Variants in R3HCC1L observed in about 807,000 individuals in gnomAD.
The protein encoded by R3HCC1L is coiled-coil domain-containing protein R3HCC1L.
In R3HCC1L, 51 loss-of-function variants were observed where a neutral mutation model predicts 59.9. That is an observed-to-expected ratio of 0.85 (90% CI 0.68 to 1.07). R3HCC1L has a LOEUF of 1.07. R3HCC1L is among the 50% of genes least tolerant of loss of function. The pLI is 0.00. For missense variants in R3HCC1L, 965 were observed against 933.0 expected, an observed-to-expected ratio of 1.03 and a Z score of -0.45; for synonymous variants, 322 against 315.2, an observed-to-expected ratio of 1.02 and a Z score of -0.23.
In R3HCC1L at chr10:98,209,145, A is replaced by C. The variant is rs1437044524; in HGVS notation, c.1031A>C (p.His344Pro). The change falls in exon 5 of 10, where the codon CAT (histidine) becomes CCT (proline). Residue 344 changes from histidine (H) to proline (P), a missense_variant. Physicochemically the swap from His to Pro is moderately conservative, Grantham distance 77. Coordinates refer to ENST00000298999, the MANE Select transcript of R3HCC1L (RefSeq NM_001351015.2). ...AATGACAGCACTGCTGATGAGTTAC[A>C]TGTAAAGCACGAACCTCCTGATACA... ...EKNDSTADEL[H>P]VKHEPPDTAV... The C allele has an allele frequency of 6.2e-7, 1 of 1,613,962 alleles. No homozygotes were observed. The highest frequency in any genetic ancestry group is 8.5e-7 in the Non-Finnish European group (1 of 1,180,016).
At chr10:98,220,827 C>T (rs1237367028) in intron 5 of R3HCC1L, among the ~76,000 whole-genome samples, 8 of 149,480 alleles carry the variant, frequency 5.4e-5, no homozygotes, top group South Asian at 2.2e-4. Flanking sequence ...TGAATAATGC[C>T]GCAATAAACA....
At chr10:98,199,233 T>G (rs1378668301) in intron 4 of R3HCC1L, among the ~76,000 whole-genome samples, 2 of 152,100 alleles carry the variant, frequency 1.3e-5, no homozygotes, top group Non-Finnish European at 2.9e-5. Flanking sequence ...GAGAGTATCT[T>G]TCCAACATCG....
chr10:98,149,469 T>G (rs1238257609), intron 1 of R3HCC1L, among the ~76,000 whole-genome samples: 3 of 152,192 alleles, frequency 2.0e-5, no homozygotes, highest in Non-Finnish European at 2.9e-5. Context: ...GCTTTTTTGA[T>G]GTAGGCATTT....
chr10:98,139,727 A>G lies in R3HCC1L; in HGVS notation c.-268+5021A>G, dbSNP rs187786405. Among the ~76,000 whole-genome samples the G allele has an allele frequency of 8.5e-5, 13 of 152,274 alleles. No homozygotes were observed. In the East Asian group the frequency reaches 2.1e-3, roughly 25 times the overall value. ...GAATTTTCTTTTCTCTTAATAAAAC[A>G]TGGACCAATTGCTTCGAGTCTGTGG... On this transcript the variant is annotated intron_variant, in intron 1 of 9. Transcript: ENST00000298999.
At chr10:98,176,862 G>A (rs1849076926) in intron 4 of R3HCC1L, among the ~76,000 whole-genome samples, 1 of 151,514 alleles carries the variant, frequency 6.6e-6, no homozygotes, top group Non-Finnish European at 1.5e-5. Context: ...TTTTTTTGTA[G>A]ATAACATTTA....
rs1227171089 is a variant in R3HCC1L at position 98,231,538 on chromosome 10, G to A, written c.1812G>A (p.Glu604=). Residue 604 remains glutamate (E), a synonymous_variant, in exon 6 of 10, where the codon GAG becomes GAA. Coordinates refer to ENST00000298999, the MANE Select transcript of R3HCC1L (RefSeq NM_001351015.2). The part of the protein sequence containing the change: ...QELSGNTKSR[E]SIQEPRSDYY... ...TATCAGGGAATACCAAGAGCAGAGAGAGCATCCAGGAACCTAGATCTGATT... is the reference window on the plus strand; with the variant it reads ...TATCAGGGAATACCAAGAGCAGAGAAAGCATCCAGGAACCTAGATCTGATT... 6.2e-7 allele frequency: 1 copy of A among 1,612,972 alleles called. No homozygotes were observed. Among genetic ancestry groups the A allele is most frequent in the Admixed American group, 1.7e-5 (1 of 59,750 alleles).
chr10:98,170,273 C>T (rs1848392222), intron 4 of R3HCC1L, among the ~76,000 whole-genome samples: 1 of 151,840 alleles, frequency 6.6e-6, no homozygotes, highest in Non-Finnish European at 1.5e-5. Flanking sequence ...TTAGATAAAT[C>T]CCTCAACCAG....
rs779114151 is a variant in R3HCC1L, at chr10:98,209,198, G to C, written c.1084G>C (p.Asp362His). The change falls in exon 5 of 10, where the codon GAT becomes CAT. Residue 362 changes from aspartate (D) to histidine (H), a missense_variant. Coordinates refer to ENST00000298999, the MANE Select transcript of R3HCC1L (RefSeq NM_001351015.2). ...TGTCCTTGCTCATGAAACACATAGAGATAGTGGATTTAAGAATGTAGGTGA... is the reference window on the plus strand; with the variant it reads ...TGTCCTTGCTCATGAAACACATAGACATAGTGGATTTAAGAATGTAGGTGA... ...TAVLAHETHR[D>H]SGFKNVGDIT... is the part of the protein sequence containing the mutation. 4.3e-6 allele frequency: 7 copies of C among 1,613,690 alleles called. No individual in the cohort carries two copies. Among genetic ancestry groups the C allele is most frequent in the East Asian group, 4.5e-5 (2 of 44,882 alleles).
Position 98,207,811 on chromosome 10 carries a change from C to G in R3HCC1L, c.-14-290C>G, listed in dbSNP as rs77327303. On this transcript the variant is annotated intron_variant, in intron 4 of 9. Coordinates refer to ENST00000298999, the MANE Select transcript of R3HCC1L (RefSeq NM_001351015.2). ...CCTTAAGCTCAGCCTGGGCTTGAGA[C>G]CAGCCTAGGCAACATGATGAAACCC... is the stretch of plus-strand genomic sequence containing the variant. Among the ~76,000 whole-genome samples the G allele has an allele frequency of 5.9e-3, 897 of 152,002 alleles. 5 individuals carry two copies. Among genetic ancestry groups the G allele is most frequent in the African/African-American group, 0.021 (860 of 41,462 alleles).
At position 98,209,150 on chromosome 10, in the gene R3HCC1L, A is replaced by C. The variant is rs764692559; in HGVS notation, c.1036A>C (p.Lys346Gln). ...NDSTADELHV[K>Q]HEPPDTAVLA... ...CAGCACTGCTGATGAGTTACATGTA[A>C]AGCACGAACCTCCTGATACAGCTGT... Residue 346 changes from lysine to glutamine, a missense_variant, in exon 5 of 10, where the codon AAG becomes CAG. By Grantham distance (53) the Lys-to-Gln change is moderately conservative (BLOSUM62 1). Coordinates refer to ENST00000298999, the MANE Select transcript of R3HCC1L (RefSeq NM_001351015.2). 3 of 1,613,994 alleles carry C rather than the reference A, an allele frequency of 1.9e-6. No homozygotes were observed. Among genetic ancestry groups the C allele is most frequent in the Non-Finnish European group, 2.5e-6 (3 of 1,179,984 alleles).
intron 2 of R3HCC1L, among the ~76,000 whole-genome samples, chr10:98,159,011 G>A (rs1277498238): frequency 6.6e-6 from 1 of 152,028 alleles, no homozygotes; most frequent in Non-Finnish European, 1.5e-5. Context: ...TCCCTGTGTT[G>A]CCCAGGCTGG....
chr10:98,240,430 A>AT (rs1857407577), intron 9 of R3HCC1L, among the ~76,000 whole-genome samples: 1 of 152,224 alleles, frequency 6.6e-6, no homozygotes, highest in Non-Finnish European at 1.5e-5. Flanking sequence ...CTCTCAGAAT[A>AT]AGCTATCTTC....
In R3HCC1L at chr10:98,185,456, C is replaced by G. The variant is rs181821262; in HGVS notation, c.-15+22059C>G. On this transcript the variant is annotated intron_variant, in intron 4 of 9. Transcript: ENST00000298999. ...TATCTAGAATGATTAGGTAAGGCTT[C>G]TCAGAGAAAGAACTGTGATGCAGAC... Among the ~76,000 whole-genome samples, 8 of 152,208 alleles carry G rather than the reference C, an allele frequency of 5.3e-5. No homozygotes were observed. The East Asian group carries it at 1.5e-3, about 29-fold the overall frequency.
chr10:98,140,701 A>T (rs1250524498), intron 1 of R3HCC1L, among the ~76,000 whole-genome samples: 1 of 152,234 alleles, frequency 6.6e-6, no homozygotes, highest in East Asian at 1.9e-4. Context: ...AAATAAACAG[A>T]TATTAATAGT....
intron 5 of R3HCC1L, among the ~76,000 whole-genome samples, chr10:98,229,356 G>T (rs1856072770): frequency 6.8e-6 from 1 of 148,000 alleles, no homozygotes; most frequent in African/African-American, 2.5e-5. Context: ...AGTTGTGAAT[G>T]GGAATTCACT....
At chr10:98,166,490 C>T (rs1229817860) in intron 4 of R3HCC1L, among the ~76,000 whole-genome samples, 1 of 152,116 alleles carries the variant, frequency 6.6e-6, no homozygotes, top group Non-Finnish European at 1.5e-5. Flanking sequence ...GTAATATCTC[C>T]CCTCAGTTCT....
chr10:98,137,842 C>G (rs939520526), intron 1 of R3HCC1L, among the ~76,000 whole-genome samples: 1 of 152,180 alleles, frequency 6.6e-6, no homozygotes, highest in Admixed American at 6.5e-5. Context: ...CAGATATTGA[C>G]TAGGATAGAC....
rs754661918 is a variant in R3HCC1L, at chr10:98,208,875, A to T, written c.761A>T (p.Asp254Val). 1 of 1,614,172 alleles carries T rather than the reference A, an allele frequency of 6.2e-7. No homozygotes were observed. The highest frequency in any genetic ancestry group is 2.2e-5 in the East Asian group (1 of 44,870). The change falls in exon 5 of 10, where the codon GAT becomes GTT. Residue 254 changes from aspartate (D) to valine (V), a missense_variant. Asp to Val is a radical substitution (Grantham distance 152, BLOSUM62 -3). Coordinates refer to ENST00000298999, the MANE Select transcript of R3HCC1L (RefSeq NM_001351015.2). Reference sequence around the variant, plus strand: ...GTACAACAAAGCATGCAAACATCAGATGGAATATTGAATCCCAGCAGCGGA... The same window carrying T: ...GTACAACAAAGCATGCAAACATCAGTTGGAATATTGAATCCCAGCAGCGGA... ...EIVQQSMQTS[D>V]GILNPSSGGI...
chr10:98,154,560 A>G (rs768348161), intron 1 of R3HCC1L, among the ~76,000 whole-genome samples: 13 of 152,136 alleles, frequency 8.5e-5, no homozygotes, highest in Admixed American at 1.3e-4. Context: ...AGTTCCGTGT[A>G]TACTACTTTT....
Sources: gnomAD v4.1 joint callset for allele counts (sites outside exome capture counted in the v4.1 genomes callset) on GRCh38, gnomAD v4.1.1 for gene constraint, MANE v1.5 for transcripts, NCBI Gene and HGNC (gene_info 2026-07-23, HGNC 2026-07-21) for gene names.